The following SLC16A9 variants were observed in gnomAD, a reference collection of about 807,000 sequenced individuals.
The protein encoded by SLC16A9 is monocarboxylate transporter 9.
Under a neutral mutation model 44.3 loss-of-function variants are expected in SLC16A9, and 26 were observed. The observed-to-expected ratio is 0.59, with a 90% CI of 0.43 to 0.81. SLC16A9 has a LOEUF of 0.81. Ranked by LOEUF, SLC16A9 falls within the 40% of genes least tolerant of loss-of-function variation. The pLI is 0.00. For missense variants in SLC16A9, 559 were observed against 595.8 expected, an observed-to-expected ratio of 0.94 and a Z score of 0.64; for synonymous variants, 230 against 225.1, an observed-to-expected ratio of 1.02 and a Z score of -0.19.
chr10:59,696,262 C>G (rs1294256483), intron 1 of SLC16A9, among the ~76,000 whole-genome samples: 1 of 152,228 alleles, frequency 6.6e-6, no homozygotes, highest in Non-Finnish European at 1.5e-5. Flanking sequence ...GGCCCCCACG[C>G]CTGACTGGTT....
chr10:59,677,057 G>A (rs1383137733), intron 2 of SLC16A9, among the ~76,000 whole-genome samples: 1 of 58,892 alleles, frequency 1.7e-5, no homozygotes, highest in African/African-American at 7.9e-5. Context: ...GAAGATAATA[G>A]GAACTTCACA....
chr10:59,700,634 A>C (rs1416594267), intron 1 of SLC16A9, among the ~76,000 whole-genome samples: 5 of 152,212 alleles, frequency 3.3e-5, no homozygotes, highest in African/African-American at 4.8e-5. Context: ...CTATTTAGTA[A>C]GTGTTCAATC....
At chr10:59,704,423 G>T (rs1256322222) in intron 1 of SLC16A9, among the ~76,000 whole-genome samples, 1 of 152,092 alleles carries the variant, frequency 6.6e-6, no homozygotes, top group Non-Finnish European at 1.5e-5. Flanking sequence ...GTTGAGAGAC[G>T]TCATGCTAAA....
chr10:59,655,567 T>G (rs2132399918), intron 4 of SLC16A9, among the ~76,000 whole-genome samples: 1 of 152,282 alleles, frequency 6.6e-6, no homozygotes, highest in African/African-American at 2.4e-5. Flanking sequence ...GTATTTAAAT[T>G]ACAAAGTATG....
At chr10:59,666,298 C>CAAAAA (rs35476359) in intron 3 of SLC16A9, among the ~76,000 whole-genome samples, 1 of 102,016 alleles carries the variant, frequency 9.8e-6, no homozygotes. Context: ...GACTCTGTCT[C>CAAAAA]AAAAAAAAAA....
At chr10:59,697,778 T>TA (rs1052782490) in intron 1 of SLC16A9, among the ~76,000 whole-genome samples, 9 of 149,282 alleles carry the variant, frequency 6.0e-5, no homozygotes, top group Admixed American at 3.3e-4. Context: ...ATTAAAAAAA[T>TA]AAAAAAATAA....
intron 1 of SLC16A9, among the ~76,000 whole-genome samples, chr10:59,699,516 T>G (rs1017963303): frequency 6.6e-6 from 1 of 152,038 alleles, no homozygotes; most frequent in Non-Finnish European, 1.5e-5. Context: ...CAGCCAAGAG[T>G]GTGACCTTCA....
rs1382864852 is a variant in SLC16A9, at chr10:59,684,112, T to G, written c.180A>C (p.Gly60=). 1 of 1,612,722 alleles carries G rather than the reference T, an allele frequency of 6.2e-7. No individual in the cohort carries two copies. The highest frequency in any genetic ancestry group is 8.5e-7 in the Non-Finnish European group (1 of 1,179,292). ...TCCACTTACTTGCAAGCAAGCCAAC[T>G]CCACTTGCCAGGGATCCAACCCAGG... is the stretch of plus-strand genomic sequence containing the variant. ...KTAWVGSLAS[G]VGLLASPVCS... is the part of the protein sequence containing the mutation. Residue 60 remains glycine (G), a synonymous_variant, in exon 2 of 6, where the codon GGA becomes GGC. Transcript: ENST00000395348.
Position 59,654,312 on chromosome 10 carries a change from G to A in SLC16A9, c.714C>T (p.Cys238=), listed in dbSNP as rs1474825468. 3 of 1,614,088 alleles carry A rather than the reference G, an allele frequency of 1.9e-6. No homozygotes were observed. Among genetic ancestry groups the A allele is most frequent in the East Asian group, 4.5e-5 (2 of 44,882 alleles). ...LDKSYSSEEK[C]RITLANGDWK... is the part of the protein sequence containing the mutation. ...AGTCACCATTGGCTAACGTGATCCT[G>A]CATTTTTCCTCACTACTGTAGCTCT... Residue 238 remains cysteine (C), a synonymous_variant, in exon 5 of 6, where the codon TGC becomes TGT. Coordinates refer to ENST00000395348, the MANE Select transcript of SLC16A9 (RefSeq NM_194298.3).
chr10:59,680,983 A>G (rs1353901768), intron 2 of SLC16A9, among the ~76,000 whole-genome samples: 1 of 147,978 alleles, frequency 6.8e-6, no homozygotes, highest in African/African-American at 2.5e-5. Flanking sequence ...ACCCAATCTC[A>G]AATAATAATA....
At chr10:59,655,109 G>A (rs1839320264) in intron 4 of SLC16A9, among the ~76,000 whole-genome samples, 1 of 152,024 alleles carries the variant, frequency 6.6e-6, no homozygotes, top group Admixed American at 6.5e-5. Context: ...GGCCAACATG[G>A]TGAAACCCCG....
At chr10:59,709,323 C>T (rs1564717741) in intron 1 of SLC16A9, among the ~76,000 whole-genome samples, 156 bp downstream of exon 1, 1 of 152,162 alleles carries the variant, frequency 6.6e-6, no homozygotes, top group Non-Finnish European at 1.5e-5. Flanking sequence ...ACACTCGAAG[C>T]CCCCGGCACA....
At chr10:59,680,190 A>G (rs1839956929) in intron 2 of SLC16A9, among the ~76,000 whole-genome samples, 1 of 152,182 alleles carries the variant, frequency 6.6e-6, no homozygotes, top group South Asian at 2.1e-4. Flanking sequence ...GGACAAACAA[A>G]GAATTCAAGC....
chr10:59,670,556 T>C (rs1427966993), intron 3 of SLC16A9, among the ~76,000 whole-genome samples: 4 of 152,204 alleles, frequency 2.6e-5, no homozygotes, highest in African/African-American at 7.2e-5. Context: ...GTCTGATCTT[T>C]CCCTTGGTCA....
At position 59,684,192 on chromosome 10, in the gene SLC16A9, C is replaced by CAA; in HGVS notation, c.98_99dup (p.Gly34LeufsTer6). On this transcript the variant is annotated frameshift_variant, in exon 2 of 6. Transcript: ENST00000395348. LOFTEE classifies it high-confidence loss of function. ...TCCAGCCATTCTATGTACAGGACTC[C>CAA]AACAGCTAGTGGGGATCCGTAACAC... The CAA allele has an allele frequency of 6.2e-7, 1 of 1,614,022 alleles. No homozygotes were observed. The highest frequency in any genetic ancestry group is 2.2e-5 in the East Asian group (1 of 44,864).
Position 59,689,412 on chromosome 10 carries a change from G to T in SLC16A9, c.-36-5085C>A, listed in dbSNP as rs964168751. ...AGTCCTATGGCTAGAGGGCTTGTGG[G>T]ACTGTTAATTAAGTTTCCTTGACCT... On this transcript the variant is annotated intron_variant, in intron 1 of 5. Transcript: ENST00000395348. Among the ~76,000 whole-genome samples, 4 of 152,174 alleles carry T rather than the reference G, an allele frequency of 2.6e-5. No individual in the cohort carries two copies. In the South Asian group the frequency reaches 8.3e-4, roughly 31 times the overall value.
chr10:59,685,641 C>T (rs1435168329), intron 1 of SLC16A9, among the ~76,000 whole-genome samples: 3 of 152,146 alleles, frequency 2.0e-5, no homozygotes, highest in Admixed American at 1.3e-4. Context: ...TTAGTTTGTT[C>T]GACCAGTCCC....
chr10:59,693,257 T>C (rs1464006347), intron 1 of SLC16A9, among the ~76,000 whole-genome samples: 1 of 152,224 alleles, frequency 6.6e-6, no homozygotes, highest in Admixed American at 6.5e-5. Context: ...AAATCTACTC[T>C]CTTTGTTGAT....
At chr10:59,658,993 T>C (rs1310952143) in intron 4 of SLC16A9, among the ~76,000 whole-genome samples, 1 of 152,186 alleles carries the variant, frequency 6.6e-6, no homozygotes, top group Non-Finnish European at 1.5e-5. Context: ...AAGAAGCATA[T>C]GTAAATTTAC....
Sources: allele counts gnomAD v4.1 joint callset (sites outside exome capture counted in the v4.1 genomes callset), GRCh38; gene constraint gnomAD v4.1.1; transcripts MANE v1.5; gene names NCBI Gene and HGNC (gene_info 2026-07-23, HGNC 2026-07-21).